Variants in CTNNA3 observed in about 807,000 individuals in gnomAD.
CTNNA3 encodes catenin alpha 3, also known as catenin alpha-3.
In CTNNA3, 76 loss-of-function variants were observed where a neutral mutation model predicts 95.7. The observed-to-expected ratio is 0.79, with a 90% confidence interval of 0.66 to 0.96. CTNNA3 has a LOEUF of 0.96. Among genes scored for constraint, CTNNA3 ranks in the 40% least tolerant of loss-of-function variants. The pLI is 0.00. For missense variants in CTNNA3, 1,191 were observed against 1,089.8 expected (o/e 1.09, Z -1.31); for synonymous variants, 431 against 374.4 (o/e 1.15, Z -1.74).
Position 66,927,928 on chromosome 10 carries a change from A to G in CTNNA3, c.1048-152404T>C. ...TTTTAAAGGTCTAAGGGAGAATACA[A>G]TTATCTGTGCCAGTCCCAAAGAGCT... On this transcript the variant is annotated intron_variant, in intron 7 of 17. Transcript: ENST00000433211. The surrounding 1 kb of genome is among the most constrained non-coding windows in gnomAD (Gnocchi z 4.7). 6.2e-7 allele frequency: 1 copy of G among 1,614,222 alleles called. No homozygotes were observed. The highest frequency in any genetic ancestry group is 1.3e-5 in the African/African-American group (1 of 75,054).
chr10:67,594,739 T>A (rs1025071647), intron 3 of CTNNA3, among the ~76,000 whole-genome samples: 1 of 152,128 alleles, frequency 6.6e-6, no homozygotes, highest in South Asian at 2.1e-4. Context: ...TTTAAAAAAA[T>A]TATTTCCATG....
chr10:66,479,281 G>C (rs1317322541), intron 11 of CTNNA3, among the ~76,000 whole-genome samples: 2 of 146,614 alleles, frequency 1.4e-5, no homozygotes, highest in Non-Finnish European at 3.0e-5. Flanking sequence ...TTGTATGCCA[G>C]TACCACACTT....
At position 66,625,244 on chromosome 10, in the gene CTNNA3, G is replaced by A. The variant is rs182245073; in HGVS notation, c.1282-3460C>T. ...CCTCTAAAATGTATGGTATATTCTA[G>A]GCCCTTTAAACATGGCTGACCTTAT... On this transcript the variant is annotated intron_variant, in intron 9 of 17. Coordinates refer to ENST00000433211, the MANE Select transcript of CTNNA3 (RefSeq NM_013266.4). 5.7e-4 allele frequency among the ~76,000 whole-genome samples: 86 copies of A among 152,048 alleles called. 1 individual carries two copies. The highest frequency in any genetic ancestry group is 9.4e-4 in the Non-Finnish European group (64 of 67,976).
chr10:67,176,896 C>T (rs553428015), intron 7 of CTNNA3: 26 of 490,920 alleles, frequency 5.3e-5, no homozygotes, highest in South Asian at 3.9e-4. Context: ...ATAATGGACT[C>T]TTCCCTAGAG....
At chr10:67,007,127 G>T (rs1852041530) in intron 7 of CTNNA3, among the ~76,000 whole-genome samples, 1 of 152,068 alleles carries the variant, frequency 6.6e-6, no homozygotes, top group African/African-American at 2.4e-5. Context: ...TTGCTTATTG[G>T]TTCTTCACTG....
chr10:67,020,100 C>T (rs984994055), intron 7 of CTNNA3, among the ~76,000 whole-genome samples: 1 of 152,052 alleles, frequency 6.6e-6, no homozygotes, highest in Non-Finnish European at 1.5e-5. Flanking sequence ...TCCCAAATCG[C>T]CTTACAATAA....
intron 7 of CTNNA3, among the ~76,000 whole-genome samples, chr10:67,172,878 G>C (rs1399736104): frequency 1.3e-5 from 2 of 151,862 alleles, no homozygotes; most frequent in Admixed American, 6.6e-5. Flanking sequence ...GAAAGGCTGA[G>C]GCAGGAGAAC....
intron 7 of CTNNA3, among the ~76,000 whole-genome samples, chr10:66,999,669 C>T (rs926390957): frequency 6.6e-6 from 1 of 152,036 alleles, no homozygotes; most frequent in Admixed American, 6.6e-5. Context: ...ATGAAATAGG[C>T]CTTAACTTAG....
chr10:67,101,381 T>A (rs1417092796), intron 7 of CTNNA3, among the ~76,000 whole-genome samples: 1 of 151,798 alleles, frequency 6.6e-6, no homozygotes, highest in East Asian at 1.9e-4. Flanking sequence ...TTTTCTTTTT[T>A]TCTTTTGGCA....
intron 3 of CTNNA3, among the ~76,000 whole-genome samples, chr10:67,586,675 T>G (rs1333073896): frequency 6.6e-6 from 1 of 152,122 alleles, no homozygotes; most frequent in East Asian, 1.9e-4. Flanking sequence ...CTATTTTTAG[T>G]CTATATGTGT....
At chr10:66,392,379 G>A (rs1288186002) in intron 11 of CTNNA3, among the ~76,000 whole-genome samples, 1 of 151,948 alleles carries the variant, frequency 6.6e-6, no homozygotes, top group African/African-American at 2.4e-5. Flanking sequence ...GCAGTGAGCA[G>A]AGATCGCTCC....
chr10:67,182,474 G>A (rs377302385), intron 6 of CTNNA3, among the ~76,000 whole-genome samples: 23 of 151,792 alleles, frequency 1.5e-4, no homozygotes, highest in East Asian at 1.2e-3. Context: ...CTGGGAAAAC[G>A]GGCTAGCCAT....
At chr10:67,240,232 T>C (rs1865666127) in intron 5 of CTNNA3, among the ~76,000 whole-genome samples, 2 of 152,366 alleles carry the variant, frequency 1.3e-5, no homozygotes, top group Non-Finnish European at 2.9e-5. Flanking sequence ...CCATGTATAC[T>C]TTGCTATTTG....
At chr10:67,214,768 T>G (rs1035773070) in intron 6 of CTNNA3, among the ~76,000 whole-genome samples, 4 of 152,044 alleles carry the variant, frequency 2.6e-5, no homozygotes, top group Admixed American at 2.0e-4. Context: ...TTTACTATCT[T>G]GTAACATTCA....
chr10:67,019,434 T>C (rs945069100), intron 7 of CTNNA3, among the ~76,000 whole-genome samples: 1 of 152,160 alleles, frequency 6.6e-6, no homozygotes, highest in Non-Finnish European at 1.5e-5. Flanking sequence ...GTCAAGCTGG[T>C]CACAAACTCC....
At chr10:67,257,800 T>A (rs1403415651) in intron 5 of CTNNA3, among the ~76,000 whole-genome samples, 1 of 152,200 alleles carries the variant, frequency 6.6e-6, no homozygotes, top group African/African-American at 2.4e-5. Flanking sequence ...TAAAATAGAA[T>A]AAAGAATTGA....
At chr10:66,549,978 G>C (rs1369438522) in intron 10 of CTNNA3, among the ~76,000 whole-genome samples, 1 of 152,106 alleles carries the variant, frequency 6.6e-6, no homozygotes, top group Non-Finnish European at 1.5e-5. Flanking sequence ...ATAAGATAAA[G>C]ACGTATCTTT....
At chr10:66,599,744 C>T (rs997593025) in intron 10 of CTNNA3, among the ~76,000 whole-genome samples, 22 of 151,936 alleles carry the variant, frequency 1.4e-4, no homozygotes, top group Admixed American at 5.2e-4. Context: ...AAACTGTTCA[C>T]CACAGTTCCT....
intron 7 of CTNNA3, among the ~76,000 whole-genome samples, chr10:67,029,481 C>T (rs967025039): frequency 1.3e-5 from 2 of 152,026 alleles, no homozygotes; most frequent in East Asian, 3.9e-4. Flanking sequence ...GCATGATAAC[C>T]GGTGGGTACT....
Sources: gnomAD v4.1 joint callset for allele counts (sites outside exome capture counted in the v4.1 genomes callset) on GRCh38, gnomAD v4.1.1 for gene constraint, Gnocchi (gnomAD v3.1) non-coding constraint, MANE v1.5 for transcripts, NCBI Gene and HGNC (gene_info 2026-07-23, HGNC 2026-07-21) for gene names.